The following DENND1B variants were observed in gnomAD, a reference collection of about 807,000 sequenced individuals.
DENND1B encodes the protein DENN domain-containing protein 1B.
Under a neutral mutation model 90.1 loss-of-function variants are expected in DENND1B, and 59 were observed. The observed-to-expected ratio is 0.65, with a 90% CI of 0.53 to 0.81. The LOEUF is 0.81. Among genes scored for constraint, DENND1B ranks in the 40% least tolerant of loss-of-function variants. The pLI is 0.00. For missense variants in DENND1B, 862 were observed against 912.6 expected, an observed-to-expected ratio of 0.94 and a Z score of 0.71; for synonymous variants, 337 against 324.6, an observed-to-expected ratio of 1.04 and a Z score of -0.41.
rs145462767 is a variant in DENND1B at position 197,662,543 on chromosome 1, G to A, written c.297-4174C>T. ...AGACAGTCTATCACCCTATCTTGGC[G>A]TGTATTTCTATATAGCGAGCCTTTT... is the stretch of plus-strand genomic sequence containing the variant. On this transcript the variant is annotated intron_variant, in intron 5 of 22. Coordinates refer to ENST00000620048, the MANE Select transcript of DENND1B (RefSeq NM_001195215.2). 3.6e-4 allele frequency among the ~76,000 whole-genome samples: 54 copies of A among 151,988 alleles called. No individual in the cohort carries two copies. The South Asian group carries it at 5.0e-3, about 14-fold the overall frequency.
At chr1:197,610,936 T>G (rs1466758432) in intron 12 of DENND1B, among the ~76,000 whole-genome samples, 3 of 150,716 alleles carry the variant, frequency 2.0e-5, no homozygotes, top group Non-Finnish European at 4.5e-5. Flanking sequence ...TAAGAAAAAA[T>G]GCCGGAACCT....
At chr1:197,511,096 A>T (rs1487550766) in intron 22 of DENND1B, 124 bp from the exon 23 acceptor site, 1 of 1,043,906 alleles carries the variant, frequency 9.6e-7, no homozygotes, top group East Asian at 2.9e-5. Flanking sequence ...CAGCATTGAG[A>T]GTCAATTTTA....
intron 2 of DENND1B, among the ~76,000 whole-genome samples, chr1:197,765,790 T>C (rs1040211361): frequency 1.3e-5 from 2 of 151,948 alleles, no homozygotes; most frequent in South Asian, 2.1e-4. Flanking sequence ...GCGGCAAAAA[T>C]AAAGAACATG....
intron 5 of DENND1B, among the ~76,000 whole-genome samples, chr1:197,668,441 A>G (rs1422962667): frequency 6.6e-6 from 1 of 151,888 alleles, no homozygotes; most frequent in Non-Finnish European, 1.5e-5. Flanking sequence ...AATATACCTA[A>G]TCAATTCCTA....
chr1:197,508,358 AG>A lies in DENND1B; in HGVS notation c.*2101del, dbSNP rs1667824571. ...ATGGACTTCTTCCATTATAAACTTC[AG>A]TAAAGTAAGTTGTAATTTTGTAATA... is the stretch of plus-strand genomic sequence containing the variant. On this transcript the variant is annotated 3_prime_UTR_variant, in exon 23 of 23. Transcript: ENST00000620048. 1 of 151,772 alleles carries A rather than the reference AG, an allele frequency of 6.6e-6. No individual in the cohort carries two copies. Among genetic ancestry groups the A allele is most frequent in the South Asian group, 2.1e-4 (1 of 4,834 alleles). 9.4% of individuals were successfully genotyped at this position (151,772 alleles called of 1,614,324 possible).
chr1:197,777,358 T>C (rs1657321745), upstream of DENND1B, among the ~76,000 whole-genome samples: 1 of 152,170 alleles, frequency 6.6e-6, no homozygotes, highest in Non-Finnish European at 1.5e-5. Context: ...GTTAAGTACA[T>C]CGAGGGAAAT....
Position 197,545,987 on chromosome 1 carries a change from C to T in DENND1B, c.1285G>A (p.Gly429Arg), listed in dbSNP as rs1156421648. The T allele has an allele frequency of 1.3e-6, 2 of 1,599,178 alleles. No individual in the cohort carries two copies. The highest frequency in any genetic ancestry group is 1.7e-6 in the Non-Finnish European group (2 of 1,176,256). Residue 429 changes from glycine (G) to arginine (R), a missense_variant, in exon 18 of 23, where the codon GGA (glycine) becomes AGA (arginine). Transcript: ENST00000620048. Reference protein sequence around the residue: ...YQQWVHTVKKGGALFNTAMTK... With the variant: ...YQQWVHTVKKRGALFNTAMTK... Reference sequence around the variant, plus strand: ...ATTGCTGTGTTGAACAGTGCACCTCCTTTCTGCAAAAGAAAAACAGAAACA... The same window carrying T: ...ATTGCTGTGTTGAACAGTGCACCTCTTTTCTGCAAAAGAAAAACAGAAACA...
Position 197,612,912 on chromosome 1 carries a change from A to G in DENND1B, c.774-936T>C, listed in dbSNP as rs118174710. 6.8e-4 allele frequency among the ~76,000 whole-genome samples: 102 copies of G among 150,942 alleles called. No homozygotes were observed. In the East Asian group the frequency reaches 0.02, roughly 29 times the overall value. On this transcript the variant is annotated intron_variant, in intron 11 of 22. Coordinates refer to ENST00000620048, the MANE Select transcript of DENND1B (RefSeq NM_001195215.2). Reference sequence around the variant, plus strand: ...CAAGAAGAAAATTATTCAACTTGACATTTCAAACCTAAAATATTATCTAAC... The same window carrying G: ...CAAGAAGAAAATTATTCAACTTGACGTTTCAAACCTAAAATATTATCTAAC...
At chr1:197,571,380 C>T (rs866875989) in intron 15 of DENND1B, among the ~76,000 whole-genome samples, 1 of 152,182 alleles carries the variant, frequency 6.6e-6, no homozygotes, top group Non-Finnish European at 1.5e-5. Context: ...CTTTTCCATG[C>T]CCACATTTCA....
At chr1:197,706,996 T>C (rs764654102) in intron 3 of DENND1B, among the ~76,000 whole-genome samples, 8 of 152,094 alleles carry the variant, frequency 5.3e-5, no homozygotes, top group Non-Finnish European at 1.0e-4. Flanking sequence ...AGAGCCAAGA[T>C]ATGGAATCAA....
intron 12 of DENND1B, among the ~76,000 whole-genome samples, chr1:197,610,544 T>C (rs1677091229): frequency 6.6e-6 from 1 of 150,604 alleles, no homozygotes; most frequent in African/African-American, 2.4e-5. Flanking sequence ...AAATTATGTA[T>C]CCTATTAGAT....
chr1:197,677,808 G>C (rs538507648), intron 3 of DENND1B, among the ~76,000 whole-genome samples: 27 of 152,260 alleles, frequency 1.8e-4, no homozygotes, highest in Non-Finnish European at 3.7e-4. Context: ...TGACATGGTT[G>C]ACTTGTTCAG....
intron 15 of DENND1B, among the ~76,000 whole-genome samples, chr1:197,570,815 A>C (rs1673082984): frequency 6.6e-6 from 1 of 152,166 alleles, no homozygotes; most frequent in African/African-American, 2.4e-5. Flanking sequence ...AATAAAAAAC[A>C]TGTTAAGGAG....
chr1:197,605,474 T>G (rs577375984), intron 13 of DENND1B: 1 of 151,190 alleles, frequency 6.6e-6, no homozygotes, highest in South Asian at 2.1e-4. Flanking sequence ...AAGCTGAATT[T>G]CTTTCTCTTT....
At chr1:197,571,457 C>A (rs1444365600) in intron 15 of DENND1B, among the ~76,000 whole-genome samples, 1 of 152,170 alleles carries the variant, frequency 6.6e-6, no homozygotes, top group Non-Finnish European at 1.5e-5. Context: ...ATTCTCTCTA[C>A]CTGTAACCAT....
At chr1:197,561,550 C>T (rs1199325729) in intron 15 of DENND1B, among the ~76,000 whole-genome samples, 2 of 151,750 alleles carry the variant, frequency 1.3e-5, no homozygotes, top group East Asian at 1.9e-4. Context: ...TAAATTCTAC[C>T]TACATGCTGA....
chr1:197,611,241 T>C (rs951848542), intron 12 of DENND1B, among the ~76,000 whole-genome samples: 2 of 150,942 alleles, frequency 1.3e-5, no homozygotes, highest in Admixed American at 1.3e-4. Context: ...GACTTTGTTT[T>C]AATTAAAGCC....
chr1:197,762,847 C>T (rs1448370100), intron 2 of DENND1B, among the ~76,000 whole-genome samples: 4 of 152,126 alleles, frequency 2.6e-5, no homozygotes, highest in Non-Finnish European at 5.9e-5. Flanking sequence ...ATAATGTACT[C>T]CAGGCCCATC....
intron 20 of DENND1B, among the ~76,000 whole-genome samples, chr1:197,515,247 A>C (rs185298235): frequency 6.6e-6 from 1 of 151,694 alleles, no homozygotes; most frequent in Non-Finnish European, 1.5e-5. Flanking sequence ...TGAGGTTTCC[A>C]TAAGTTCAGG....
Sources: gnomAD v4.1 joint callset for allele counts (sites outside exome capture counted in the v4.1 genomes callset) on GRCh38, gnomAD v4.1.1 for gene constraint, MANE v1.5 for transcripts, NCBI Gene and HGNC (gene_info 2026-07-23, HGNC 2026-07-21) for gene names.